KATNAL1: variants seen among roughly 807,000 people sequenced by gnomAD.
KATNAL1 encodes the protein katanin p60 ATPase-containing subunit A-like 1.
KATNAL1 carries 32 observed loss-of-function variants against 55.2 expected under a neutral mutation model. The ratio of observed to expected loss-of-function variants is 0.58; its 90% CI spans 0.44 to 0.78. The LOEUF (loss-of-function observed/expected upper bound fraction) is 0.78, where lower values mean the gene tolerates loss of function less well. Among genes scored for constraint, KATNAL1 ranks in the 30% least tolerant of loss-of-function variants. The pLI is 0.00. For missense variants in KATNAL1, 466 were observed against 600.9 expected (o/e 0.78, Z 2.35); for synonymous variants, 193 against 193.6 (o/e 1.00, Z 0.02).
Position 30,240,529 on chromosome 13 carries a change from C to T in KATNAL1, c.657G>A (p.Leu219=), listed in dbSNP as rs763282066. ...TTGGAAGAACAACAGCTTCCCTTAGCAACTTCTTAGCTTCTTCCAGATCTG... is the reference window on the plus strand; with the variant it reads ...TTGGAAGAACAACAGCTTCCCTTAGTAACTTCTTAGCTTCTTCCAGATCTG... ...DIADLEEAKK[L]LREAVVLPMW... The change falls in exon 6 of 11, where the codon TTG becomes TTA. Residue 219 remains leucine, a synonymous_variant. Coordinates refer to ENST00000380615, the MANE Select transcript of KATNAL1 (RefSeq NM_032116.5). The T allele has an allele frequency of 6.2e-7, 1 of 1,613,790 alleles. No homozygotes were observed. Among genetic ancestry groups the T allele is most frequent in the South Asian group, 1.1e-5 (1 of 91,054 alleles).
chr13:30,280,174 C>T lies in KATNAL1; in HGVS notation c.212G>A (p.Ser71Asn). The change falls in exon 3 of 11, where the codon AGC becomes AAC. Residue 71 changes from serine (S) to asparagine (N), a missense_variant. Physicochemically the swap from Ser to Asn is conservative, Grantham distance 46. Around this residue, in one of 3 missense-constraint regions of KATNAL1, gnomAD observed 248 missense variants for 275.5 expected, o/e 0.90. Coordinates refer to ENST00000380615, the MANE Select transcript of KATNAL1 (RefSeq NM_032116.5). ...GTCAATTTTAAAACTTTCTAAAGTG[C>T]TGACAATACTTTTAACTTGTTCATA... ...EEYEQVKSIV[S>N]TLESFKIDKP... The T allele has an allele frequency of 6.2e-7, 1 of 1,612,134 alleles. No homozygotes were observed. Among genetic ancestry groups the T allele is most frequent in the South Asian group, 1.1e-5 (1 of 90,784 alleles).
At chr13:30,223,770 T>C (rs998345348) in intron 9 of KATNAL1, among the ~76,000 whole-genome samples, 4 of 152,134 alleles carry the variant, frequency 2.6e-5, no homozygotes, top group Non-Finnish European at 5.9e-5. Flanking sequence ...TAGATGAAGA[T>C]TTCCATAAGC....
chr13:30,302,783 T>C (rs1163755490), intron 1 of KATNAL1, among the ~76,000 whole-genome samples: 2 of 152,234 alleles, frequency 1.3e-5, no homozygotes, highest in Non-Finnish European at 2.9e-5. Context: ...CCAGATCTTA[T>C]TCATGTATCA....
chr13:30,261,977 T>C (rs1025060106), intron 3 of KATNAL1, among the ~76,000 whole-genome samples: 1 of 152,128 alleles, frequency 6.6e-6, no homozygotes, highest in Non-Finnish European at 1.5e-5. Context: ...AGTAAAGTTC[T>C]CCTCATCAAA....
At chr13:30,295,357 G>A (rs1593184999) in intron 1 of KATNAL1, among the ~76,000 whole-genome samples, 1 of 152,190 alleles carries the variant, frequency 6.6e-6, no homozygotes, top group Non-Finnish European at 1.5e-5. Flanking sequence ...ATGACTCTGA[G>A]GGTTTCAAGA....
At chr13:30,257,818 T>C (rs1193433617) in intron 3 of KATNAL1, among the ~76,000 whole-genome samples, 1 of 152,218 alleles carries the variant, frequency 6.6e-6, no homozygotes, top group Non-Finnish European at 1.5e-5. Context: ...GCAAGGCCCC[T>C]GTCTCATAGG....
intron 3 of KATNAL1, among the ~76,000 whole-genome samples, chr13:30,257,126 T>C (rs1360073470): frequency 2.0e-5 from 3 of 152,218 alleles, no homozygotes; most frequent in Non-Finnish European, 4.4e-5. Context: ...AAAATTGTAA[T>C]TGTTAAATTG....
intron 3 of KATNAL1, among the ~76,000 whole-genome samples, chr13:30,271,633 C>T (rs1593923838): frequency 1.3e-5 from 2 of 152,120 alleles, no homozygotes; most frequent in Non-Finnish European, 2.9e-5. Context: ...TTCCACCAGG[C>T]CCCTCCACCA....
At position 30,206,538 on chromosome 13, in the gene KATNAL1, A is replaced by T. The variant is rs969870079; in HGVS notation, c.*2002T>A. 2 of 152,132 alleles carry T rather than the reference A, an allele frequency of 1.3e-5. No homozygotes were observed. Among genetic ancestry groups the T allele is most frequent in the Non-Finnish European group, 2.9e-5 (2 of 68,020 alleles). 9.4% of individuals were successfully genotyped at this position (152,132 alleles called of 1,614,324 possible). Reference sequence around the variant, plus strand: ...ACAATTACTATGTCATTATCCATGAAGAATTCAGAAAAATAATTAAATGCA... The same window carrying T: ...ACAATTACTATGTCATTATCCATGATGAATTCAGAAAAATAATTAAATGCA... On this transcript the variant is annotated 3_prime_UTR_variant, in exon 11 of 11. Coordinates refer to ENST00000380615, the MANE Select transcript of KATNAL1 (RefSeq NM_032116.5).
chr13:30,296,359 A>T, intron 1 of KATNAL1: 1 of 1,130,688 alleles, frequency 8.8e-7, no homozygotes, highest in Non-Finnish European at 1.3e-6. Context: ...TGGGCTGCGA[A>T]GTGCTGGGCA....
intron 4 of KATNAL1, among the ~76,000 whole-genome samples, chr13:30,253,540 C>T (rs1380974316): frequency 6.6e-6 from 1 of 151,912 alleles, no homozygotes. Flanking sequence ...TAGCGGGTGC[C>T]TGTAGTCCCA....
rs374349068 is a variant in KATNAL1, at chr13:30,234,521, T to G, written c.727-3049A>C. ...CTCTTTTCCTGACACTTCTGCTCTC[T>G]GGCTATGTTCACTGCCTCAGATCTC... On this transcript the variant is annotated intron_variant, in intron 6 of 10. Transcript: ENST00000380615. 6.6e-5 allele frequency among the ~76,000 whole-genome samples: 10 copies of G among 152,346 alleles called. No homozygotes were observed. In the East Asian group the frequency reaches 1.9e-3, roughly 29 times the overall value.
rs1031460324 is a variant in KATNAL1, at chr13:30,204,820, G to T, written c.*3720C>A. On this transcript the variant is annotated 3_prime_UTR_variant, in exon 11 of 11. Transcript: ENST00000380615. ...CCCTGAGCTATACAGCTAGACCACCGCATGTTTTCCCCTTCCAAAATGGCT... is the reference window on the plus strand; with the variant it reads ...CCCTGAGCTATACAGCTAGACCACCTCATGTTTTCCCCTTCCAAAATGGCT... 1 of 152,078 alleles carries T rather than the reference G, an allele frequency of 6.6e-6. No homozygotes were observed. Among genetic ancestry groups the T allele is most frequent in the Non-Finnish European group, 1.5e-5 (1 of 68,034 alleles). The allele number at this position is 152,078 out of a possible 1,614,324, so 9.4% of individuals were successfully genotyped here.
intron 2 of KATNAL1, 105 bp downstream of exon 2, chr13:30,283,511 C>G (rs899220874): frequency 5.3e-5 from 47 of 878,854 alleles, no homozygotes; most frequent in Non-Finnish European, 7.3e-5. Context: ...GATAAATAGG[C>G]ACTATTTCCA....
rs150180034 is a variant in KATNAL1, at chr13:30,249,982, C to A, written c.492+5465G>T. On this transcript the variant is annotated intron_variant, in intron 4 of 10. Transcript: ENST00000380615. ...GTATTTTTAAAAAAGGAAATAAATA[C>A]GCAAAACTCCTCACATCCTAATTAT... 3.1e-3 allele frequency among the ~76,000 whole-genome samples: 471 copies of A among 152,202 alleles called. 2 individuals carry two copies. The highest frequency in any genetic ancestry group is 0.011 in the African/African-American group (451 of 41,538).
At chr13:30,220,208 C>T (rs111656274) in intron 9 of KATNAL1, among the ~76,000 whole-genome samples, 5,797 of 152,114 alleles carry the variant, frequency 0.038, 148 homozygotes, top group African/African-American at 0.061. Context: ...TGCTTGTAAT[C>T]CCAACACTTT....
intron 6 of KATNAL1, among the ~76,000 whole-genome samples, chr13:30,232,077 G>C (rs1555261092): frequency 6.6e-6 from 1 of 152,132 alleles, no homozygotes; most frequent in Non-Finnish European, 1.5e-5. Flanking sequence ...AACCAGTACA[G>C]AATAAAAACT....
At chr13:30,213,731 T>C (rs1393642476) in intron 9 of KATNAL1, among the ~76,000 whole-genome samples, 1 of 152,170 alleles carries the variant, frequency 6.6e-6, no homozygotes, top group Non-Finnish European at 1.5e-5. Context: ...CAACCCTTCA[T>C]GCTAAAAACT....
chr13:30,234,846 A>T (rs1593861796), intron 6 of KATNAL1, among the ~76,000 whole-genome samples: 2 of 152,330 alleles, frequency 1.3e-5, no homozygotes, highest in South Asian at 4.1e-4. Flanking sequence ...ATAGCCTCTA[A>T]ATCCTTGGAA....
Sources: allele counts gnomAD v4.1 joint callset (sites outside exome capture counted in the v4.1 genomes callset), GRCh38; gene constraint gnomAD v4.1.1; regional missense constraint gnomAD v4.1.1; transcripts MANE v1.5; gene names NCBI Gene and HGNC (gene_info 2026-07-23, HGNC 2026-07-21).